MAB21L4: variants seen among roughly 807,000 people sequenced by gnomAD.
The protein encoded by MAB21L4 is protein mab-21-like 4.
In MAB21L4, 25 loss-of-function variants were observed where a neutral mutation model predicts 32.4. The observed-to-expected ratio is 0.77, with a 90% CI of 0.56 to 1.08. The LOEUF (loss-of-function observed/expected upper bound fraction) is 1.08, where lower values mean the gene tolerates loss of function less well. Among genes scored for constraint, MAB21L4 ranks in the 50% least tolerant of loss-of-function variants. MAB21L4 has a pLI of 0.00. For missense variants in MAB21L4, 638 were observed against 611.0 expected, an observed-to-expected ratio of 1.04 and a Z score of -0.47; for synonymous variants, 280 against 276.8, an observed-to-expected ratio of 1.01 and a Z score of -0.11.
chr2:240,893,249 C>T (rs1242126543), intron 1 of MAB21L4, among the ~76,000 whole-genome samples: 3 of 152,208 alleles, frequency 2.0e-5, no homozygotes, highest in Non-Finnish European at 2.9e-5. Flanking sequence ...CCGGAGGGAG[C>T]CTGGTCCTGG....
chr2:240,896,257 G>T (rs1258076740), upstream of MAB21L4: 1 of 962,464 alleles, frequency 1.0e-6, no homozygotes, highest in Non-Finnish European at 1.3e-6. Flanking sequence ...GGCAGGCGGG[G>T]GCTGGGTTTG....
At chr2:240,891,901 G>T (rs1233697379) in intron 1 of MAB21L4, 138 bp from the exon 2 acceptor site, 13 of 1,573,908 alleles carry the variant, frequency 8.3e-6, no homozygotes, top group Non-Finnish European at 1.1e-5. Context: ...GCCCCCACCT[G>T]CAGGCTGCAG....
chr2:240,895,528 A>G lies in MAB21L4; in HGVS notation c.470T>C (p.Val157Ala), dbSNP rs2059180245. 1 of 1,600,098 alleles carries G rather than the reference A, an allele frequency of 6.2e-7. No individual in the cohort carries two copies. Among genetic ancestry groups the G allele is most frequent in the East Asian group, 2.3e-5 (1 of 44,392 alleles). The change falls in exon 1 of 5, where the codon GTA becomes GCA. Residue 157 changes from valine (V) to alanine (A), a missense_variant. Coordinates refer to ENST00000388934, the MANE Select transcript of MAB21L4 (RefSeq NM_001085437.3). Reference protein sequence around the residue: ...KVLCVLKDLLVAAIVHCKHHS... With the variant: ...KVLCVLKDLLAAAIVHCKHHS... ...GTGCTTGCAGTGTACGATGGCTGCTACCAGCAGGTCCTTGAGGACACACAG... is the reference window on the plus strand; with the variant it reads ...GTGCTTGCAGTGTACGATGGCTGCTGCCAGCAGGTCCTTGAGGACACACAG...
intron 3 of MAB21L4, among the ~76,000 whole-genome samples, 186 bp downstream of exon 3, chr2:240,889,819 C>T (rs1264295045): frequency 6.6e-6 from 1 of 152,238 alleles, no homozygotes; most frequent in African/African-American, 2.4e-5. Context: ...CGGCCACATT[C>T]CCTTGACCCT....
chr2:240,889,948 G>C (rs541404662), intron 3 of MAB21L4, 57 bp downstream of exon 3: 1 of 1,551,778 alleles, frequency 6.4e-7, no homozygotes, highest in Non-Finnish European at 8.8e-7. Flanking sequence ...ACACGCCTGG[G>C]TGCACCTACC....
chr2:240,887,200 C>T, intron 4 of MAB21L4, 38 bp from the exon 5 acceptor site: 2 of 1,532,782 alleles, frequency 1.3e-6, no homozygotes, highest in Non-Finnish European at 9.0e-7. Flanking sequence ...GTTACAGGGA[C>T]CCCTGGAGCC....
rs1460737531 is a variant in MAB21L4 at position 240,888,252 on chromosome 2, GC to G, written c.1251+39del. The G allele has an allele frequency of 7.6e-6, 11 of 1,455,676 alleles. No individual in the cohort carries two copies. The Admixed American group carries it at 9.2e-5, about 12-fold the overall frequency. 90.2% of individuals were successfully genotyped at this position (1,455,676 alleles called of 1,614,324 possible). On this transcript the variant is annotated intron_variant, in intron 4 of 4. Transcript: ENST00000388934. ...CCAGGGCTCCATTCCACCCTCCCAT[GC>G]CCCCGGGCCTGCCCAAGGCCCCCGC...
chr2:240,888,385 C>T lies in MAB21L4; in HGVS notation c.1158G>A (p.Pro386=), dbSNP rs747177777. The T allele has an allele frequency of 1.8e-5, 28 of 1,559,276 alleles. No individual in the cohort carries two copies. The highest frequency in any genetic ancestry group is 4.7e-5 in the South Asian group (4 of 84,234). The change falls in exon 4 of 5, where the codon CCG becomes CCA. Residue 386 remains proline, a synonymous_variant. Coordinates refer to ENST00000388934, the MANE Select transcript of MAB21L4 (RefSeq NM_001085437.3). The part of the protein sequence containing the change: ...HATHLGRSPP[P]RIGSGLKALL... ...GCGCCTTGAGCCCGGAGCCGATGCG[C>T]GGCGGGGGGCTGCGGCCCAGGTGGG... is the stretch of plus-strand genomic sequence containing the variant.
Position 240,886,933 on chromosome 2 carries a change from G to A in MAB21L4, c.*137C>T. The A allele has an allele frequency of 1.5e-6, 1 of 652,096 alleles. No homozygotes were observed. Among genetic ancestry groups the A allele is most frequent in the Non-Finnish European group, 2.6e-6 (1 of 379,462 alleles). The allele number at this position is 652,096 out of a possible 1,614,324, so 40.4% of individuals were successfully genotyped here. On this transcript the variant is annotated 3_prime_UTR_variant, in exon 5 of 5. Transcript: ENST00000388934. Reference sequence around the variant, plus strand: ...CACTGAAAGACTCTCAGAGGCCACTGCTGGGGACAAAATCCCTCCACTACC... The same window carrying A: ...CACTGAAAGACTCTCAGAGGCCACTACTGGGGACAAAATCCCTCCACTACC...
rs1163811951 is a variant in MAB21L4, at chr2:240,891,593, T to G, written c.685A>C (p.Arg229=). The G allele has an allele frequency of 1.9e-6, 3 of 1,610,432 alleles. No individual in the cohort carries two copies. The South Asian group carries it at 3.3e-5, about 18-fold the overall frequency. ...QMPGFPEGSL[R]RILSQGVDLV... is the part of the protein sequence containing the mutation. ...TCCACCCCTTGGCTGAGGATCCTTC[T>G]CAAGCTGCCCTCAGGGAATCCGGGC... Residue 229 remains arginine (R), a synonymous_variant, in exon 2 of 5, where the codon AGA becomes CGA. Coordinates refer to ENST00000388934, the MANE Select transcript of MAB21L4 (RefSeq NM_001085437.3).
rs1295971785 is a variant in MAB21L4, at chr2:240,886,797, G to A, written c.*273C>T. ...GGTCTCCTGCCGATGCTGTTTGCTT[G>A]ACAACACCACGTGGCTGGGTCAACA... On this transcript the variant is annotated 3_prime_UTR_variant, in exon 5 of 5. Coordinates refer to ENST00000388934, the MANE Select transcript of MAB21L4 (RefSeq NM_001085437.3). 18 of 450,460 alleles carry A rather than the reference G, an allele frequency of 4.0e-5. No individual in the cohort carries two copies. The highest frequency in any genetic ancestry group is 6.3e-5 in the Non-Finnish European group (16 of 253,090). 27.9% of individuals were successfully genotyped at this position (450,460 alleles called of 1,614,324 possible).
rs1353281699 is a variant in MAB21L4 at position 240,896,025 on chromosome 2, G to A, written c.-28C>T. On this transcript the variant is annotated 5_prime_UTR_variant, in exon 1 of 5. Coordinates refer to ENST00000388934, the MANE Select transcript of MAB21L4 (RefSeq NM_001085437.3). Reference sequence around the variant, plus strand: ...CTTCAACAGTGGCAGGTGAGGGCCAGTGGCCCCTGAGGAGGACTCCGCAGG... The same window carrying A: ...CTTCAACAGTGGCAGGTGAGGGCCAATGGCCCCTGAGGAGGACTCCGCAGG... 1.4e-5 allele frequency: 20 copies of A among 1,426,156 alleles called. No individual in the cohort carries two copies. Among genetic ancestry groups the A allele is most frequent in the Non-Finnish European group, 1.6e-5 (18 of 1,094,654 alleles). The allele number at this position is 1,426,156 out of a possible 1,614,324, so 88.3% of individuals were successfully genotyped here.
chr2:240,890,113 G>C lies in MAB21L4; in HGVS notation c.786C>G (p.Gly262=). 1 of 1,612,000 alleles carries C rather than the reference G, an allele frequency of 6.2e-7. No individual in the cohort carries two copies. Residue 262 remains glycine, a synonymous_variant, in exon 3 of 5, where the codon GGC becomes GGG. Coordinates refer to ENST00000388934, the MANE Select transcript of MAB21L4 (RefSeq NM_001085437.3). ...TGTCCAGGCGATGACCCTGCAGGGA[G>C]CCCAGCTCCCCCAGCAGCCTCGTGA... The part of the protein sequence containing the change: ...YLLTRLLGEL[G]SLQGHRLDSL...
chr2:240,896,207 T>C, upstream of MAB21L4: 231 of 1,121,606 alleles, frequency 2.1e-4, no homozygotes, highest in Middle Eastern at 3.3e-4. Context: ...TGGGGGTGAG[T>C]CAGTCCCCAG....
At chr2:240,891,875 G>A (rs765424172) in intron 1 of MAB21L4, 112 bp from the exon 2 acceptor site, 5 of 1,580,092 alleles carry the variant, frequency 3.2e-6, no homozygotes, top group Non-Finnish European at 3.4e-6. Flanking sequence ...CCTCTCACCT[G>A]CAGCCCTCTC....
intron 3 of MAB21L4, among the ~76,000 whole-genome samples, chr2:240,888,975 C>T (rs1347602038): frequency 6.6e-6 from 1 of 151,618 alleles, no homozygotes; most frequent in Non-Finnish European, 1.5e-5. Context: ...GGGCCTTTCT[C>T]TCCTTCCCTC....
chr2:240,890,147 T>A lies in MAB21L4; in HGVS notation c.752A>T (p.Asp251Val). ...ASAQLWRTSTDYLLTRLLGEL... is the reference protein window; with the variant it reads ...ASAQLWRTSTVYLLTRLLGEL... ...CCCCAGCAGCCTCGTGAGCAGGTAG[T>A]CAGTGGAGGTCCTGGGGCCCAGACA... is the stretch of plus-strand genomic sequence containing the variant. Residue 251 changes from aspartate (D) to valine (V), a missense_variant, in exon 3 of 5, where the codon GAC becomes GTC. Physicochemically the swap from Asp to Val is radical, Grantham distance 152 (BLOSUM62 -3). Transcript: ENST00000388934. 6.2e-7 allele frequency: 1 copy of A among 1,605,804 alleles called. No individual in the cohort carries two copies. The highest frequency in any genetic ancestry group is 8.5e-7 in the Non-Finnish European group (1 of 1,174,644).
At position 240,888,599 on chromosome 2, in the gene MAB21L4, GC is replaced by G; in HGVS notation, c.943del (p.Ala315GlnfsTer218). 1 of 1,602,872 alleles carries G rather than the reference GC, an allele frequency of 6.2e-7. No homozygotes were observed. The highest frequency in any genetic ancestry group is 8.5e-7 in the Non-Finnish European group (1 of 1,175,360). ...GCGGTACACGGCGCCCTGCAGTTCT[GC>G]CCAGTCCTCGGGCGCCAGGAAGAGC... Reference protein sequence around the residue: ...SVLFLAPEDWAELQGAVYRLL... With the variant: ...SVLFLAPEDWXELQGAVYRLL... On this transcript the variant is annotated frameshift_variant, in exon 4 of 5. Coordinates refer to ENST00000388934, the MANE Select transcript of MAB21L4 (RefSeq NM_001085437.3). LOFTEE classifies it high-confidence loss of function.
intron 4 of MAB21L4, among the ~76,000 whole-genome samples, chr2:240,887,641 C>T (rs1310536789): frequency 5.3e-5 from 8 of 152,228 alleles, no homozygotes; most frequent in Non-Finnish European, 8.8e-5. Flanking sequence ...TACCCTGGGG[C>T]CTCACTGCCA....
Sources: allele counts gnomAD v4.1 joint callset (sites outside exome capture counted in the v4.1 genomes callset), GRCh38; gene constraint gnomAD v4.1.1; transcripts MANE v1.5; gene names NCBI Gene and HGNC (gene_info 2026-07-23, HGNC 2026-07-21).